Variants in EIF3H observed in about 807,000 individuals in gnomAD.
EIF3H encodes the protein eIF-3-gamma.
A neutral mutation model predicts 44.2 loss-of-function variants in EIF3H; 26 were observed. The ratio of observed to expected loss-of-function variants is 0.59; its 90% CI spans 0.43 to 0.82. The LOEUF (loss-of-function observed/expected upper bound fraction) is 0.82. Ranked by LOEUF, EIF3H falls within the 40% of genes least tolerant of loss-of-function variation. EIF3H has a pLI of 0.00. For synonymous variants in EIF3H, 166 were observed against 151.9 expected (o/e 1.09, Z -0.68); for missense variants, 359 against 432.8 (o/e 0.83, Z 1.51).
rs148226637 is a variant in EIF3H at position 116,670,867 on chromosome 8, C to T, written c.290-11887G>A. Among the ~76,000 whole-genome samples the T allele has an allele frequency of 6.0e-3, 921 of 152,274 alleles. 6 individuals are homozygous for T. The highest frequency in any genetic ancestry group is 0.02 in the African/African-American group (847 of 41,530). Reference sequence around the variant, plus strand: ...TCTTGAAGTCATTACTGAGATTAGCCTTATCAGCTGCCATTAGGTAATCTG... The same window carrying T: ...TCTTGAAGTCATTACTGAGATTAGCTTTATCAGCTGCCATTAGGTAATCTG... On this transcript the variant is annotated intron_variant, in intron 2 of 7. Coordinates refer to ENST00000521861, the MANE Select transcript of EIF3H (RefSeq NM_003756.3).
chr8:116,713,091 G>A (rs1359060759), intron 2 of EIF3H, among the ~76,000 whole-genome samples: 1 of 152,014 alleles, frequency 6.6e-6, no homozygotes, highest in African/African-American at 2.4e-5. Flanking sequence ...ATATCTTTAC[G>A]TAAAGTTGTT....
At chr8:116,712,197 A>T (rs939458889) in intron 2 of EIF3H, among the ~76,000 whole-genome samples, 3 of 152,222 alleles carry the variant, frequency 2.0e-5, no homozygotes, top group Admixed American at 2.0e-4. Context: ...TCTGCTGCCA[A>T]ACTCCTTCTA....
chr8:116,643,500 A>G lies in EIF3H; in HGVS notation c.*1506T>C, dbSNP rs1441314933. ...GGGTGCCTAGAATGCCTCCCTCATC[A>G]TAAATACAGGCTGAGTGGCTGCCAC... is the stretch of plus-strand genomic sequence containing the variant. On this transcript the variant is annotated 3_prime_UTR_variant, in exon 8 of 8. Transcript: ENST00000521861. The G allele has an allele frequency of 6.6e-6, 1 of 152,224 alleles. No individual in the cohort carries two copies. Among genetic ancestry groups the G allele is most frequent in the Non-Finnish European group, 1.5e-5 (1 of 68,054 alleles). The allele number at this position is 152,224 out of a possible 1,614,324, so 9.4% of individuals were successfully genotyped here. A position where few individuals can be genotyped will look rare whatever the true frequency, so the allele number is the denominator to read the frequency against.
chr8:116,681,526 C>T lies in EIF3H; in HGVS notation c.290-22546G>A, dbSNP rs141951984. Among the ~76,000 whole-genome samples, 694 of 151,270 alleles carry T rather than the reference C, an allele frequency of 4.6e-3. 3 individuals carry two copies. Among genetic ancestry groups the T allele is most frequent in the African/African-American group, 0.016 (656 of 41,148 alleles). On this transcript the variant is annotated intron_variant, in intron 2 of 7. Transcript: ENST00000521861. Reference sequence around the variant, plus strand: ...TACTAAAAATACAAAATTAGCTGGGCGTGGTGGCACATGCCTGTAATCCTA... The same window carrying T: ...TACTAAAAATACAAAATTAGCTGGGTGTGGTGGCACATGCCTGTAATCCTA...
intron 2 of EIF3H, chr8:116,688,962 C>T (rs1375279353): frequency 9.2e-6 from 3 of 327,710 alleles, no homozygotes; most frequent in South Asian, 2.3e-5. Context: ...GGAATATACC[C>T]GAGAGAAATG....
intron 1 of EIF3H, among the ~76,000 whole-genome samples, chr8:116,731,646 A>C (rs527625743): frequency 7.2e-5 from 11 of 152,230 alleles, no homozygotes; most frequent in African/African-American, 2.4e-4. Flanking sequence ...TAGTTGGAAC[A>C]ATCTCTACAG....
In EIF3H at chr8:116,749,145, T is replaced by C. The variant is rs1040702542; in HGVS notation, c.132+6521A>G. ...AAATTTAAAAGGTAAGAAATTTCAATAGCAATGGGTTTCAAGCACTGAATT... is the reference window on the plus strand; with the variant it reads ...AAATTTAAAAGGTAAGAAATTTCAACAGCAATGGGTTTCAAGCACTGAATT... On this transcript the variant is annotated intron_variant, in intron 1 of 7. Transcript: ENST00000521861. 7.2e-5 allele frequency among the ~76,000 whole-genome samples: 11 copies of C among 152,182 alleles called. No individual in the cohort carries two copies. In the South Asian group the frequency reaches 1.9e-3, roughly 26 times the overall value.
At chr8:116,711,784 T>C (rs955734356) in intron 2 of EIF3H, among the ~76,000 whole-genome samples, 1 of 152,212 alleles carries the variant, frequency 6.6e-6, no homozygotes, top group South Asian at 2.1e-4. Context: ...TAATGTAACA[T>C]TCACCTTTCA....
At chr8:116,711,081 T>C (rs866723554) in intron 2 of EIF3H, among the ~76,000 whole-genome samples, 4 of 152,222 alleles carry the variant, frequency 2.6e-5, no homozygotes, top group Non-Finnish European at 5.9e-5. Context: ...TGTACACACA[T>C]TGCTTCCATA....
intron 2 of EIF3H, among the ~76,000 whole-genome samples, chr8:116,706,206 T>C (rs1814467285): frequency 6.6e-6 from 1 of 152,248 alleles, no homozygotes; most frequent in Non-Finnish European, 1.5e-5. Context: ...AGTAGTCTCT[T>C]ACAGTTTACA....
Position 116,656,015 on chromosome 8 carries a change from A to G in EIF3H, c.558-10T>C. 6.2e-7 allele frequency: 1 copy of G among 1,612,118 alleles called. No individual in the cohort carries two copies. The highest frequency in any genetic ancestry group is 8.5e-7 in the Non-Finnish European group (1 of 1,179,184). ...ATTTGCTTTTTTCAATCTGTGAAGC[A>G]TGTTAAAAATACTTTAGTCTGATGG... On this transcript the variant is annotated splice_polypyrimidine_tract_variant and intron_variant, in intron 4 of 7. Coordinates refer to ENST00000521861, the MANE Select transcript of EIF3H (RefSeq NM_003756.3).
At chr8:116,689,175 A>T (rs1361424160) in intron 2 of EIF3H, 2 of 423,302 alleles carry the variant, frequency 4.7e-6, no homozygotes, top group Non-Finnish European at 9.5e-6. Context: ...TAAGTCAGAG[A>T]CAAAAGGACA....
chr8:116,704,340 C>T (rs151311477), intron 2 of EIF3H, among the ~76,000 whole-genome samples: 6 of 152,312 alleles, frequency 3.9e-5, no homozygotes, highest in South Asian at 2.1e-4. Context: ...GCACATGACA[C>T]GTGCTCAACG....
chr8:116,646,671 C>A lies in EIF3H; in HGVS notation c.829-68G>T. 3 of 1,581,478 alleles carry A rather than the reference C, an allele frequency of 1.9e-6. No homozygotes were observed. The South Asian group carries it at 3.4e-5, about 18-fold the overall frequency. On this transcript the variant is annotated intron_variant, in intron 6 of 7. Coordinates refer to ENST00000521861, the MANE Select transcript of EIF3H (RefSeq NM_003756.3). ...TGAGGAGGAAAAAAAGATGTCCTTC[C>A]CCTACACAACCAGCAGAACCCCACT...
At chr8:116,699,057 G>C (rs1263228627) in intron 2 of EIF3H, among the ~76,000 whole-genome samples, 1 of 152,072 alleles carries the variant, frequency 6.6e-6, no homozygotes, top group Admixed American at 6.6e-5. Flanking sequence ...GCTGAGGTGG[G>C]AGAATGGCTT....
intron 5 of EIF3H, among the ~76,000 whole-genome samples, chr8:116,654,517 C>T (rs1227956084): frequency 6.6e-6 from 1 of 152,094 alleles, no homozygotes; most frequent in African/African-American, 2.4e-5. Context: ...AAATTGTAAC[C>T]TTGTATGCTG....
At chr8:116,721,756 T>A (rs138092312) in intron 2 of EIF3H, among the ~76,000 whole-genome samples, 1 of 152,366 alleles carries the variant, frequency 6.6e-6, no homozygotes, top group East Asian at 1.9e-4. Flanking sequence ...ACTGCCCCAC[T>A]GGATTTCAAG....
chr8:116,646,061 A>G (rs914756144), intron 7 of EIF3H, among the ~76,000 whole-genome samples: 2 of 152,234 alleles, frequency 1.3e-5, no homozygotes, highest in Non-Finnish European at 2.9e-5. Flanking sequence ...TGCTGCCACA[A>G]TTTAAGTCCA....
chr8:116,666,615 C>G (rs1362338736), intron 2 of EIF3H, among the ~76,000 whole-genome samples: 1 of 151,788 alleles, frequency 6.6e-6, no homozygotes, highest in Non-Finnish European at 1.5e-5. Context: ...TGTGTTTATA[C>G]AAACAAACTG....
Sources: gnomAD v4.1 joint callset for allele counts (sites outside exome capture counted in the v4.1 genomes callset) on GRCh38, gnomAD v4.1.1 for gene constraint, MANE v1.5 for transcripts, NCBI Gene and HGNC (gene_info 2026-07-23, HGNC 2026-07-21) for gene names.